DOCK8: variants seen among roughly 807,000 people sequenced by gnomAD.
DOCK8 encodes dedicator of cytokinesis protein 8.
DOCK8 carries 141 observed loss-of-function variants against 245.6 expected under a neutral mutation model. The ratio of observed to expected loss-of-function variants is 0.57; its 90% CI spans 0.50 to 0.66. DOCK8 has a LOEUF of 0.66. Among genes scored for constraint, DOCK8 ranks in the 30% least tolerant of loss-of-function variants. DOCK8 has a pLI of 0.00. For synonymous variants in DOCK8, 1,168 were observed against 970.2 expected, an observed-to-expected ratio of 1.20 and a Z score of -3.79; for missense variants, 2,965 against 2,603.4, an observed-to-expected ratio of 1.14 and a Z score of -3.02.
rs549096115 is a variant in DOCK8 at position 390,237 on chromosome 9, G to A, written c.2875-234G>A. On this transcript the variant is annotated intron_variant, in intron 23 of 47. Transcript: ENST00000432829. ...CCAGGCTGAGTCCACTCCCTCAGAT[G>A]TGTCTGTCCTGTGCAGCACTGACCC... 2.0e-5 allele frequency among the ~76,000 whole-genome samples: 3 copies of A among 152,230 alleles called. No homozygotes were observed. In the South Asian group the frequency reaches 6.2e-4, roughly 32 times the overall value.
At chr9:296,256 C>T (rs953603424) in intron 4 of DOCK8, among the ~76,000 whole-genome samples, 12 of 152,314 alleles carry the variant, frequency 7.9e-5, no homozygotes, top group African/African-American at 2.9e-4. Flanking sequence ...TATTTGATGA[C>T]ATCCTTTGGG....
At chr9:400,199 TCAC>T (rs1232598995) in intron 26 of DOCK8, among the ~76,000 whole-genome samples, 4 of 34,670 alleles carry the variant, frequency 1.2e-4, no homozygotes, top group African/African-American at 2.2e-4. Context: ...ACCATCACCA[TCAC>T]CACCACCTCC....
intron 46 of DOCK8, among the ~76,000 whole-genome samples, chr9:453,847 C>A (rs1049326691): frequency 6.6e-6 from 1 of 152,038 alleles, no homozygotes; most frequent in Non-Finnish European, 1.5e-5. Context: ...ATTTAAAATT[C>A]ATTATGGTTG....
chr9:322,538 G>T (rs1413789385), intron 7 of DOCK8, among the ~76,000 whole-genome samples: 1 of 152,210 alleles, frequency 6.6e-6, no homozygotes, highest in Non-Finnish European at 1.5e-5. Context: ...TGCTTTCCTG[G>T]TGTGTTAAAT....
intron 26 of DOCK8, among the ~76,000 whole-genome samples, chr9:400,312 ACCACCACCT>A (rs2054825611): frequency 1.2e-5 from 1 of 83,620 alleles, no homozygotes. Flanking sequence ...CTTCACCGTC[ACCACCACCT>A]CCACCACCAC....
At chr9:426,599 C>G (rs991155871) in intron 33 of DOCK8, among the ~76,000 whole-genome samples, 8 of 152,172 alleles carry the variant, frequency 5.3e-5, no homozygotes, top group African/African-American at 1.9e-4. Context: ...CTAGTAGCAA[C>G]TAATAACTGC....
intron 14 of DOCK8, among the ~76,000 whole-genome samples, chr9:354,192 C>T (rs13292415): frequency 0.17 from 25,412 of 152,010 alleles, 2,289 homozygotes; most frequent in Non-Finnish European, 0.2. Flanking sequence ...CTTAGCCAGC[C>T]GTGGTGACGG....
chr9:342,558 C>T (rs1264791332), intron 14 of DOCK8, among the ~76,000 whole-genome samples: 1 of 151,916 alleles, frequency 6.6e-6, no homozygotes, highest in African/African-American at 2.4e-5. Context: ...CAACCTCCGC[C>T]TCACAGGTTC....
chr9:242,915 A>G (rs1441333479), intron 1 of DOCK8, among the ~76,000 whole-genome samples: 2 of 152,118 alleles, frequency 1.3e-5, no homozygotes, highest in Non-Finnish European at 2.9e-5. Context: ...AAACAGTACC[A>G]GAGGTAGCCT....
chr9:451,357 G>A (rs578184789), intron 45 of DOCK8, among the ~76,000 whole-genome samples: 12 of 150,194 alleles, frequency 8.0e-5, no homozygotes, highest in African/African-American at 2.2e-4. Flanking sequence ...TGTATGGTGC[G>A]CACGCCTGTA....
At chr9:242,440 TTGTTA>T (rs1369031632) in intron 1 of DOCK8, among the ~76,000 whole-genome samples, 1 of 152,220 alleles carries the variant, frequency 6.6e-6, no homozygotes, top group Non-Finnish European at 1.5e-5. Flanking sequence ...GATACATGTC[TTGTTA>T]TGTTAAAGGA....
At chr9:426,733 C>A in intron 33 of DOCK8, 152 bp from the exon 34 acceptor site, 1 of 692,766 alleles carries the variant, frequency 1.4e-6, no homozygotes, top group Middle Eastern at 2.4e-4. Flanking sequence ...CAGAAGGCAC[C>A]TGCACTGTAG....
intron 36 of DOCK8, 96 bp from the exon 37 acceptor site, chr9:432,070 T>A: frequency 7.9e-7 from 1 of 1,265,208 alleles, no homozygotes; most frequent in South Asian, 1.3e-5. Context: ...AAGGAAACAC[T>A]GAGGAGTTGT....
chr9:403,970 A>G (rs1274994838), intron 26 of DOCK8, among the ~76,000 whole-genome samples: 1 of 71,232 alleles, frequency 1.4e-5, no homozygotes, highest in African/African-American at 1.1e-4. Context: ...GTATATATAT[A>G]TATATGTGTA....
Position 442,117 on chromosome 9 carries a change from T to G in DOCK8, c.5490+108T>G. 3 of 1,491,458 alleles carry G rather than the reference T, an allele frequency of 2.0e-6. No individual in the cohort carries two copies. The South Asian group carries it at 3.5e-5, about 17-fold the overall frequency. The allele number at this position is 1,491,458 out of a possible 1,614,324, so 92.4% of individuals were successfully genotyped here. A position where few individuals can be genotyped will look rare whatever the true frequency, so the allele number is the denominator to read the frequency against. ...TAAAGAGTTATGGATTCATCATTGA[T>G]CTCTACATAAAGTTTTCCCCTTTGC... On this transcript the variant is annotated intron_variant, in intron 42 of 47. Coordinates refer to ENST00000432829, the MANE Select transcript of DOCK8 (RefSeq NM_203447.4).
chr9:273,799 GTAGTTCAAGCAA>G (rs2048234408), intron 2 of DOCK8, among the ~76,000 whole-genome samples: 1 of 39,166 alleles, frequency 2.6e-5, no homozygotes, highest in African/African-American at 3.2e-4. Context: ...CAATTCTCCT[GTAGTTCAAGCAA>G]TTCTCCTGCC....
At chr9:424,699 T>A (rs866785067) in intron 33 of DOCK8, among the ~76,000 whole-genome samples, 3 of 152,170 alleles carry the variant, frequency 2.0e-5, no homozygotes, top group Non-Finnish European at 2.9e-5. Flanking sequence ...CATGAGCCAC[T>A]GCGCCTGGTC....
At chr9:442,631 A>G (rs1192937039) in intron 42 of DOCK8, among the ~76,000 whole-genome samples, 1 of 151,242 alleles carries the variant, frequency 6.6e-6, no homozygotes, top group Non-Finnish European at 1.5e-5. Flanking sequence ...GAGAAAGGTC[A>G]GGACAAAAGA....
intron 6 of DOCK8, chr9:312,621 A>G (rs925410832): frequency 5.6e-6 from 2 of 360,158 alleles, no homozygotes; most frequent in African/African-American, 4.3e-5. Context: ...CTGCTTTGAA[A>G]ACATTTCAGG....
Sources: gnomAD v4.1 joint callset for allele counts (sites outside exome capture counted in the v4.1 genomes callset) on GRCh38, gnomAD v4.1.1 for gene constraint, MANE v1.5 for transcripts, NCBI Gene and HGNC (gene_info 2026-07-23, HGNC 2026-07-21) for gene names.